Variants in SECISBP2L observed in about 807,000 individuals in gnomAD.
SECISBP2L encodes the protein SECIS binding protein 2 like, also known as selenocysteine insertion sequence-binding protein 2-like.
In SECISBP2L, 43 loss-of-function variants were observed where a neutral mutation model predicts 114.7. That is an observed-to-expected ratio of 0.38 (90% confidence interval 0.29 to 0.48). The LOEUF is 0.48. Ranked by LOEUF, SECISBP2L falls within the 20% of genes least tolerant of loss-of-function variation. The pLI, the probability that SECISBP2L is intolerant of heterozygous loss-of-function variation, is 0.98. For missense variants in SECISBP2L, 1,136 were observed against 1,301.1 expected (o/e 0.87, Z 1.95); for synonymous variants, 451 against 439.7 (o/e 1.03, Z -0.32).
intron 7 of SECISBP2L, among the ~76,000 whole-genome samples, chr15:49,021,750 G>A (rs556478723): frequency 7.9e-5 from 12 of 152,074 alleles, no homozygotes; most frequent in Non-Finnish European, 1.6e-4. Flanking sequence ...GAGACATAAA[G>A]CACCAGGATT....
At chr15:49,028,363 T>A in intron 5 of SECISBP2L, 90 bp downstream of exon 5, 1 of 1,263,748 alleles carries the variant, frequency 7.9e-7, no homozygotes, top group East Asian at 2.3e-5. Flanking sequence ...GAATTGCTAA[T>A]GAAAACAGAT....
At chr15:49,030,910 G>A (rs888083482) in intron 4 of SECISBP2L, among the ~76,000 whole-genome samples, 1 of 152,020 alleles carries the variant, frequency 6.6e-6, no homozygotes, top group Non-Finnish European at 1.5e-5. Flanking sequence ...CTTTTCCAGG[G>A]ATGTCTTGGG....
In SECISBP2L at chr15:48,999,830, T is replaced by C. The variant is rs1902166545; in HGVS notation, c.2403+3A>G. On this transcript the variant is annotated splice_donor_region_variant and intron_variant, in intron 16 of 17. Coordinates refer to ENST00000559471, the MANE Select transcript of SECISBP2L (RefSeq NM_001193489.2). ...CAAGAGTGTGTGTCTTCTAAATTCT[T>C]ACCTCAGCACCAAAGTAGTTGAAGA... 6.2e-7 allele frequency: 1 copy of C among 1,613,276 alleles called. No individual in the cohort carries two copies. Among genetic ancestry groups the C allele is most frequent in the Non-Finnish European group, 8.5e-7 (1 of 1,179,444 alleles).
chr15:49,037,841 C>CAAT (rs1903045050), intron 1 of SECISBP2L, 72 bp from the exon 2 acceptor site: 23 of 1,296,892 alleles, frequency 1.8e-5, no homozygotes, highest in Non-Finnish European at 2.2e-5. Flanking sequence ...AATTTAACAA[C>CAAT]AGAAGAGTCA....
At chr15:49,033,210 A>T in intron 3 of SECISBP2L, 110 bp from the exon 4 acceptor site, 1 of 1,277,220 alleles carries the variant, frequency 7.8e-7, no homozygotes. Flanking sequence ...TCTTAAGTGT[A>T]TGTTCACAAT....
At chr15:49,035,196 C>G (rs1365437511) in intron 3 of SECISBP2L, 138 bp downstream of exon 3, 1 of 696,620 alleles carries the variant, frequency 1.4e-6, no homozygotes, top group Middle Eastern at 2.5e-4. Context: ...GAATTACATA[C>G]CCTTTACCAT....
At chr15:49,025,986 C>T (rs914234256) in intron 7 of SECISBP2L, among the ~76,000 whole-genome samples, 1 of 152,154 alleles carries the variant, frequency 6.6e-6, no homozygotes, top group Non-Finnish European at 1.5e-5. Flanking sequence ...AAGTGTCCAT[C>T]AGCAGATGAA....
At chr15:49,007,146 C>T (rs942277806) in intron 14 of SECISBP2L, among the ~76,000 whole-genome samples, 2 of 152,192 alleles carry the variant, frequency 1.3e-5, no homozygotes, top group African/African-American at 4.8e-5. Flanking sequence ...AGCAAAGATT[C>T]CTGCCTGTTC....
In SECISBP2L at chr15:48,991,126, ACTTT is replaced by A. The variant is rs1901969687; in HGVS notation, c.*1114_*1117del. On this transcript the variant is annotated 3_prime_UTR_variant, in exon 18 of 18. Transcript: ENST00000559471. ...TAATAGTTTCAGCACAATTAGAACA[ACTTT>A]CTCTTATCTTCTAAAACTTCCTCCT... 6.6e-6 allele frequency: 1 copy of A among 152,234 alleles called. No individual in the cohort carries two copies. Among genetic ancestry groups the A allele is most frequent in the Non-Finnish European group, 1.5e-5 (1 of 68,044 alleles). 9.4% of individuals were successfully genotyped at this position (152,234 alleles called of 1,614,324 possible).
At chr15:49,024,169 A>C (rs1041729105) in intron 7 of SECISBP2L, among the ~76,000 whole-genome samples, 26 of 152,122 alleles carry the variant, frequency 1.7e-4, no homozygotes, top group African/African-American at 6.3e-4. Context: ...AAATATGATA[A>C]ACTGAACAAA....
rs1221230154 is a variant in SECISBP2L, at chr15:49,009,370, G to A, written c.1873C>T (p.Leu625=). Residue 625 remains leucine, a synonymous_variant, in exon 14 of 18, where the codon CTA becomes TTA. Coordinates refer to ENST00000559471, the MANE Select transcript of SECISBP2L (RefSeq NM_001193489.2). ...QEIVSQEDTG[L]SMPSDTSLSP... ...AGTGAAGTATCACTGGGCATGCTTA[G>A]TCCAGTATCTGTGGAGATGTGGAGT... The A allele has an allele frequency of 6.2e-7, 1 of 1,613,200 alleles. No individual in the cohort carries two copies. Among genetic ancestry groups the A allele is most frequent in the Middle Eastern group, 1.7e-4 (1 of 6,054 alleles).
chr15:49,031,437 CT>C (rs967022396), intron 4 of SECISBP2L, among the ~76,000 whole-genome samples: 36 of 151,954 alleles, frequency 2.4e-4, no homozygotes, highest in African/African-American at 8.4e-4. Flanking sequence ...TTAATGACAT[CT>C]TTTTTTTAAA....
In SECISBP2L at chr15:49,000,869, G is replaced by A; in HGVS notation, c.2248+8C>T. The A allele has an allele frequency of 6.2e-7, 1 of 1,609,544 alleles. No individual in the cohort carries two copies. Among genetic ancestry groups the A allele is most frequent in the South Asian group, 1.1e-5 (1 of 90,226 alleles). ...TATCAAAACACTTCAAAAGCAAAAA[G>A]CGCATACCTTTTGACTGGATTTTTT... On this transcript the variant is annotated splice_region_variant and intron_variant, in intron 15 of 17. Transcript: ENST00000559471.
intron 16 of SECISBP2L, 150 bp downstream of exon 16, chr15:48,999,683 G>A (rs959511015): frequency 1.3e-6 from 1 of 767,104 alleles, no homozygotes; most frequent in Non-Finnish European, 2.0e-6. Flanking sequence ...AAAAGGAAAT[G>A]TAATACTCAA....
At position 48,990,037 on chromosome 15, in the gene SECISBP2L, T is replaced by C. The variant is rs1397740569; in HGVS notation, c.*2207A>G. ...TTGGATTTGCTGGCAGAAGAGGTAC[T>C]GCATATGCGAGAGCATTTACCGAAC... On this transcript the variant is annotated 3_prime_UTR_variant, in exon 18 of 18. Coordinates refer to ENST00000559471, the MANE Select transcript of SECISBP2L (RefSeq NM_001193489.2). The C allele has an allele frequency of 3.3e-5, 5 of 152,686 alleles. No individual in the cohort carries two copies. In the East Asian group the frequency reaches 9.6e-4, roughly 29 times the overall value. The allele number at this position is 152,686 out of a possible 1,614,324, so 9.5% of individuals were successfully genotyped here.
Position 49,028,647 on chromosome 15 carries a change from C to A in SECISBP2L, c.700G>T (p.Glu234Ter), listed in dbSNP as rs1902812593. ...TTCCAGAGCATTGTTGCAGTGGTCT[C>A]TGAGAGAGACTTGTTAGCGATATCT... is the stretch of plus-strand genomic sequence containing the variant. ...PSDIANKSLS[E>*]TTATMLWKSK... Residue 234 changes from glutamate to a stop codon, truncating the protein, a stop_gained, in exon 5 of 18, where the codon GAG becomes TAG. Coordinates refer to ENST00000559471, the MANE Select transcript of SECISBP2L (RefSeq NM_001193489.2). LOFTEE classifies it high-confidence loss of function. 1 of 1,613,968 alleles carries A rather than the reference C, an allele frequency of 6.2e-7. No homozygotes were observed. Among genetic ancestry groups the A allele is most frequent in the Non-Finnish European group, 8.5e-7 (1 of 1,180,020 alleles).
At chr15:49,015,368 T>C (rs573386009) in intron 11 of SECISBP2L, among the ~76,000 whole-genome samples, 155 of 152,308 alleles carry the variant, frequency 1.0e-3, no homozygotes, top group Non-Finnish European at 1.9e-3. Context: ...TTTGTAATAA[T>C]AGTTATTACA....
At chr15:48,996,866 C>T (rs142255277) in intron 16 of SECISBP2L, among the ~76,000 whole-genome samples, 33 of 152,346 alleles carry the variant, frequency 2.2e-4, no homozygotes, top group African/African-American at 7.2e-4. Context: ...AACAAGTGTA[C>T]TCTTCCTTTA....
At chr15:49,024,110 A>G (rs2141076568) in intron 7 of SECISBP2L, among the ~76,000 whole-genome samples, 1 of 152,166 alleles carries the variant, frequency 6.6e-6, no homozygotes. Context: ...TTAAAACACC[A>G]GAAGAATGTT....
Sources: allele counts gnomAD v4.1 joint callset (sites outside exome capture counted in the v4.1 genomes callset), GRCh38; gene constraint gnomAD v4.1.1; transcripts MANE v1.5; gene names NCBI Gene and HGNC (gene_info 2026-07-23, HGNC 2026-07-21).